Variants in GAREM1 observed in about 807,000 individuals in gnomAD.
The protein encoded by GAREM1 is GRB2-associated and regulator of MAPK protein 1.
Under a neutral mutation model 71.3 loss-of-function variants are expected in GAREM1, and 26 were observed. That is an observed-to-expected ratio of 0.36 (90% confidence interval 0.27 to 0.51). GAREM1 has a LOEUF of 0.51. GAREM1 is among the 20% of genes least tolerant of loss of function. The pLI is 0.95. For missense variants in GAREM1, 1,026 were observed against 1,103.1 expected (o/e 0.93, Z 0.99); for synonymous variants, 440 against 433.2 (o/e 1.02, Z -0.20).
At chr18:32,280,057 C>A (rs2041593449) in intron 4 of GAREM1, among the ~76,000 whole-genome samples, 1 of 152,164 alleles carries the variant, frequency 6.6e-6, no homozygotes, top group Non-Finnish European at 1.5e-5. Flanking sequence ...TACGAAACCT[C>A]ATTAACTAGT....
chr18:32,303,552 G>A (rs1057378269), intron 3 of GAREM1, among the ~76,000 whole-genome samples: 3 of 152,120 alleles, frequency 2.0e-5, no homozygotes, highest in East Asian at 1.9e-4. Context: ...GGGGTATTTC[G>A]AAACCACAAC....
At chr18:32,275,911 G>A (rs890945499) in intron 4 of GAREM1, among the ~76,000 whole-genome samples, 2 of 152,214 alleles carry the variant, frequency 1.3e-5, no homozygotes, top group Non-Finnish European at 2.9e-5. Context: ...CTGACCTCAG[G>A]TGATTCGCCC....
rs182889986 is a variant in GAREM1, at chr18:32,427,588, C to T, written c.122-34553G>A. On this transcript the variant is annotated intron_variant, in intron 1 of 5. Coordinates refer to ENST00000269209, the MANE Select transcript of GAREM1 (RefSeq NM_001242409.2). ...CTGATGGCAGCAACATGCTTATCACCCACAAATGCTCATTAAAATTTTTCC... is the reference window on the plus strand; with the variant it reads ...CTGATGGCAGCAACATGCTTATCACTCACAAATGCTCATTAAAATTTTTCC... 7.4e-4 allele frequency among the ~76,000 whole-genome samples: 113 copies of T among 152,234 alleles called. 1 individual carries two copies. In the East Asian group the frequency reaches 0.018, roughly 24 times the overall value.
At chr18:32,347,652 A>G (rs1208066966) in intron 2 of GAREM1, among the ~76,000 whole-genome samples, 1 of 152,246 alleles carries the variant, frequency 6.6e-6, no homozygotes, top group African/African-American at 2.4e-5. Flanking sequence ...GATGCACACA[A>G]CAACTTAAAC....
chr18:32,441,749 T>C (rs1285637174), intron 1 of GAREM1, among the ~76,000 whole-genome samples: 1 of 152,174 alleles, frequency 6.6e-6, no homozygotes, highest in Non-Finnish European at 1.5e-5. Flanking sequence ...TCTCTCCACA[T>C]AGAGGCTAAC....
At chr18:32,456,732 A>G (rs921551543) in intron 1 of GAREM1, among the ~76,000 whole-genome samples, 1 of 152,180 alleles carries the variant, frequency 6.6e-6, no homozygotes, top group East Asian at 1.9e-4. Flanking sequence ...AACAATGAAC[A>G]AATTAATGAT....
chr18:32,467,355 C>A (rs2049009317), intron 1 of GAREM1, among the ~76,000 whole-genome samples: 1 of 152,198 alleles, frequency 6.6e-6, no homozygotes, highest in South Asian at 2.1e-4. Flanking sequence ...GATGTCAGAA[C>A]AACTTCAACC....
chr18:32,398,725 T>C (rs1048100813), intron 1 of GAREM1, among the ~76,000 whole-genome samples: 47 of 152,244 alleles, frequency 3.1e-4, no homozygotes, highest in African/African-American at 1.1e-3. Context: ...CACAGCTGAA[T>C]TCTACCAGAG....
At chr18:32,394,427 A>G (rs1002661282) in intron 1 of GAREM1, among the ~76,000 whole-genome samples, 20 of 152,156 alleles carry the variant, frequency 1.3e-4, no homozygotes, top group Non-Finnish European at 1.0e-4. Flanking sequence ...AAATAAAATA[A>G]AAAGGTTAAA....
chr18:32,436,855 G>A (rs1041653671), intron 1 of GAREM1, among the ~76,000 whole-genome samples: 3 of 152,136 alleles, frequency 2.0e-5, no homozygotes, highest in Non-Finnish European at 4.4e-5. Context: ...TCAAATCCTA[G>A]ACTCCTTTTT....
In GAREM1 at chr18:32,287,736, C is replaced by T. The variant is rs2144467762; in HGVS notation, c.861G>A (p.Leu287=). The change falls in exon 4 of 6, where the codon CTG becomes CTA. Residue 287 remains leucine (L), a synonymous_variant. Transcript: ENST00000269209. This position sits in a 1 kb window ranked among gnomAD's most constrained non-coding sequence, Gnocchi z 5.9. The part of the protein sequence containing the change: ...QTKTVVVCCV[L]RNNKILPMHF... ...GCATGGGGAGGATCTTGTTGTTCCG[C>T]AGCACACAGCAAACCACCACCGTCT... is the stretch of plus-strand genomic sequence containing the variant. 2 of 1,613,890 alleles carry T rather than the reference C, an allele frequency of 1.2e-6. No individual in the cohort carries two copies.
In GAREM1 at chr18:32,470,817, G is replaced by A. The variant is rs1017814506; in HGVS notation, c.-389C>T. ...CCTCCTCTTACCCCTCCTTCCCTCC[G>A]CCTCGAGCGTGTGAGGAGGAGCCGC... On this transcript the variant is annotated 5_prime_UTR_variant, in exon 1 of 6. Transcript: ENST00000269209. This position sits in a 1 kb window ranked among gnomAD's most constrained non-coding sequence, Gnocchi z 4.4. Among the ~76,000 whole-genome samples, 1 of 150,028 alleles carries A rather than the reference G, an allele frequency of 6.7e-6. No homozygotes were observed. The highest frequency in any genetic ancestry group is 2.4e-5 in the African/African-American group (1 of 41,136).
chr18:32,386,878 G>T (rs542849515), intron 2 of GAREM1, among the ~76,000 whole-genome samples: 1 of 152,086 alleles, frequency 6.6e-6, no homozygotes, highest in African/African-American at 2.4e-5. Flanking sequence ...AGCCATTTAC[G>T]CAAGTTAGAT....
intron 1 of GAREM1, among the ~76,000 whole-genome samples, chr18:32,400,748 T>C (rs886362810): frequency 6.6e-5 from 10 of 152,174 alleles, no homozygotes; most frequent in African/African-American, 2.2e-4. Flanking sequence ...AGTTCAACCA[T>C]TGTGGAAGAC....
At chr18:32,376,013 T>A (rs927852524) in intron 2 of GAREM1, among the ~76,000 whole-genome samples, 1 of 152,144 alleles carries the variant, frequency 6.6e-6, no homozygotes, top group African/African-American at 2.4e-5. Flanking sequence ...CGGGCAATAA[T>A]CTTGTGAACA....
At chr18:32,270,474 C>G in intron 4 of GAREM1, 91 bp from the exon 5 acceptor site, 1 of 1,107,544 alleles carries the variant, frequency 9.0e-7, no homozygotes, top group Non-Finnish European at 1.3e-6. Flanking sequence ...AAGTCACACT[C>G]TTAAACCGTA....
At chr18:32,351,608 C>T (rs2047751826) in intron 2 of GAREM1, among the ~76,000 whole-genome samples, 1 of 151,978 alleles carries the variant, frequency 6.6e-6, no homozygotes, top group Non-Finnish European at 1.5e-5. Flanking sequence ...GATGATGCTA[C>T]ACACACAGTG....
At chr18:32,343,658 T>C (rs2047668940) in intron 2 of GAREM1, among the ~76,000 whole-genome samples, 1 of 152,208 alleles carries the variant, frequency 6.6e-6, no homozygotes, top group Admixed American at 6.5e-5. Context: ...AAATGTGTAC[T>C]TCATATTATC....
chr18:32,390,466 A>C (rs560485064), intron 2 of GAREM1, among the ~76,000 whole-genome samples: 3 of 152,276 alleles, frequency 2.0e-5, no homozygotes, highest in Admixed American at 6.5e-5. Flanking sequence ...CTCATGAACT[A>C]TTTGGTCCTA....
Sources: allele counts gnomAD v4.1 joint callset (sites outside exome capture counted in the v4.1 genomes callset), GRCh38; gene constraint gnomAD v4.1.1; non-coding constraint Gnocchi (gnomAD v3.1); transcripts MANE v1.5; gene names NCBI Gene and HGNC (gene_info 2026-07-23, HGNC 2026-07-21).